The following NSUN6 variants were observed in gnomAD, a reference collection of about 807,000 sequenced individuals.
NSUN6 encodes the protein tRNA (cytosine(72)-C(5))-methyltransferase NSUN6.
In NSUN6, 64 loss-of-function variants were observed where a neutral mutation model predicts 58.0. The ratio of observed to expected loss-of-function variants is 1.10; its 90% CI spans 0.90 to 1.36. NSUN6 has a LOEUF of 1.36. NSUN6 is among the 40% of genes most tolerant of loss of function. The pLI is 0.00. For synonymous variants in NSUN6, 231 were observed against 193.9 expected, an observed-to-expected ratio of 1.19 and a Z score of -1.59; for missense variants, 701 against 550.1, an observed-to-expected ratio of 1.27 and a Z score of -2.74.
intron 1 of NSUN6, among the ~76,000 whole-genome samples, chr10:18,650,075 A>C (rs576850139): frequency 2.0e-5 from 3 of 152,370 alleles, no homozygotes; most frequent in Admixed American, 2.0e-4. Context: ...AGTGGTAGAG[A>C]GGACAGGCTT....
At position 18,548,161 on chromosome 10, in the gene NSUN6, T is replaced by C. The variant is rs199907479; in HGVS notation, c.1148A>G (p.Gln383Arg). The C allele has an allele frequency of 2.9e-5, 46 of 1,613,942 alleles. No homozygotes were observed. The Middle Eastern group carries it at 1.2e-3, about 41-fold the overall frequency. The change falls in exon 10 of 11, where the codon CAG becomes CGG. Residue 383 changes from glutamine (Q) to arginine (R), a missense_variant. Coordinates refer to ENST00000377304, the MANE Select transcript of NSUN6 (RefSeq NM_182543.5). ...AAATTTTGTCAGGGCCCAGGCAACC[T>C]GTTCTTCATTTTCGGCCAGTGTTAT... ...CTITLAENEE[Q>R]VAWALTKFPC... is the part of the protein sequence containing the mutation.
chr10:18,647,729 T>TTTG (rs1447418991), intron 2 of NSUN6, among the ~76,000 whole-genome samples: 1 of 53,212 alleles, frequency 1.9e-5, no homozygotes, highest in African/African-American at 5.7e-5. Flanking sequence ...CACCTTGTTT[T>TTTG]TTTTTTTTTT....
At chr10:18,577,909 T>G (rs528012474) in intron 8 of NSUN6, among the ~76,000 whole-genome samples, 1 of 152,116 alleles carries the variant, frequency 6.6e-6, no homozygotes, top group Admixed American at 6.5e-5. Flanking sequence ...CCCTAGCCAA[T>G]AGGGGAATGA....
At chr10:18,594,864 T>C (rs1333471330) in intron 7 of NSUN6, among the ~76,000 whole-genome samples, 2 of 152,186 alleles carry the variant, frequency 1.3e-5, no homozygotes, top group Non-Finnish European at 2.9e-5. Context: ...GTCATGTGAT[T>C]TGTTTTGGCC....
At chr10:18,552,917 A>G (rs2133418940) in intron 8 of NSUN6, among the ~76,000 whole-genome samples, 1 of 139,276 alleles carries the variant, frequency 7.2e-6, no homozygotes, top group African/African-American at 2.7e-5. Context: ...CCATTCCACT[A>G]CACTCGACTC....
intron 2 of NSUN6, among the ~76,000 whole-genome samples, chr10:18,644,901 T>A (rs2059498448): frequency 6.7e-6 from 1 of 148,254 alleles, no homozygotes; most frequent in African/African-American, 2.5e-5. Flanking sequence ...CTCACTCCTG[T>A]AATCCCAGCA....
At chr10:18,635,232 A>T (rs923257592) in intron 3 of NSUN6, among the ~76,000 whole-genome samples, 2 of 152,172 alleles carry the variant, frequency 1.3e-5, no homozygotes, top group Non-Finnish European at 2.9e-5. Context: ...TCACTGAGAC[A>T]GCCTGTGTTT....
chr10:18,560,788 G>C (rs893641319), intron 8 of NSUN6, among the ~76,000 whole-genome samples: 5 of 151,112 alleles, frequency 3.3e-5, no homozygotes, highest in African/African-American at 9.7e-5. Context: ...ATAGAGAATG[G>C]AATGGTATGG....
At chr10:18,644,501 C>CTTTTTT (rs35934175) in intron 2 of NSUN6, among the ~76,000 whole-genome samples, 72 of 146,482 alleles carry the variant, frequency 4.9e-4, no homozygotes, top group African/African-American at 1.7e-3. Flanking sequence ...TAAGGTATGT[C>CTTTTTT]TTTTTTTTTT....
At chr10:18,580,998 C>T (rs182567966) in intron 8 of NSUN6, among the ~76,000 whole-genome samples, 55 of 152,242 alleles carry the variant, frequency 3.6e-4, no homozygotes, top group Admixed American at 1.7e-3. Flanking sequence ...GCCAACTGGG[C>T]GACTTGAGAG....
At chr10:18,605,195 TAA>T (rs542428234) in intron 6 of NSUN6, among the ~76,000 whole-genome samples, 12 of 137,676 alleles carry the variant, frequency 8.7e-5, no homozygotes, top group African/African-American at 1.6e-4. Context: ...GAGACTCCCT[TAA>T]AAAAAAAAAA....
intron 8 of NSUN6, among the ~76,000 whole-genome samples, chr10:18,560,900 G>C (rs2055449994): frequency 6.6e-6 from 1 of 150,870 alleles, no homozygotes; most frequent in Admixed American, 6.6e-5. Context: ...ATGGAGGATG[G>C]TATGGAGAAT....
chr10:18,621,278 C>T (rs1590096120), intron 3 of NSUN6, among the ~76,000 whole-genome samples: 2 of 152,192 alleles, frequency 1.3e-5, no homozygotes, highest in East Asian at 3.9e-4. Context: ...CTGTGTGACT[C>T]CCCTGGAAGA....
In NSUN6 at chr10:18,645,166, A is replaced by G. The variant is rs7477505; in HGVS notation, c.232-2611T>C. Among the ~76,000 whole-genome samples, 23 of 125,322 alleles carry G rather than the reference A, an allele frequency of 1.8e-4. No individual in the cohort carries two copies. The East Asian group carries it at 4.0e-3, about 22-fold the overall frequency. 82.2% of individuals were successfully genotyped at this position (125,322 alleles called of 152,430 possible). On this transcript the variant is annotated intron_variant, in intron 2 of 10. Transcript: ENST00000377304. ...GAGCGAGACTCCCTCTCAAAAAAAA[A>G]AAAAAAAAAAAAGAAAATGTATATA...
upstream of NSUN6, among the ~76,000 whole-genome samples, chr10:18,657,624 T>G (rs555929967): frequency 1.5e-3 from 230 of 152,264 alleles, 2 homozygotes; most frequent in African/African-American, 5.4e-3. Context: ...ATTTTTATTT[T>G]TATTTTTTTA....
At chr10:18,636,806 T>C (rs2059230720) in intron 3 of NSUN6, among the ~76,000 whole-genome samples, 1 of 151,784 alleles carries the variant, frequency 6.6e-6, no homozygotes, top group African/African-American at 2.4e-5. Context: ...GCAGAACTGC[T>C]TGAACCTGGG....
chr10:18,575,917 G>A (rs913946208), intron 8 of NSUN6, among the ~76,000 whole-genome samples: 3 of 152,044 alleles, frequency 2.0e-5, no homozygotes, highest in Non-Finnish European at 4.4e-5. Context: ...AGAGTTCCGG[G>A]TGCATCAAGA....
chr10:18,623,923 T>C (rs982719905), intron 3 of NSUN6, among the ~76,000 whole-genome samples: 14 of 152,150 alleles, frequency 9.2e-5, no homozygotes, highest in South Asian at 6.2e-4. Flanking sequence ...CCCATAGGCA[T>C]GCTCTTTCCC....
chr10:18,633,890 G>T (rs1376785954), intron 3 of NSUN6, among the ~76,000 whole-genome samples: 1 of 152,100 alleles, frequency 6.6e-6, no homozygotes, highest in Non-Finnish European at 1.5e-5. Context: ...CTGGAAAAAA[G>T]GTATGAGCTG....
Sources: allele counts gnomAD v4.1 joint callset (sites outside exome capture counted in the v4.1 genomes callset), GRCh38; gene constraint gnomAD v4.1.1; transcripts MANE v1.5; gene names NCBI Gene and HGNC (gene_info 2026-07-23, HGNC 2026-07-21).